The following ATXN7L1 variants were observed in gnomAD, a reference collection of about 807,000 sequenced individuals.
ATXN7L1 encodes the protein ataxin-7-like protein 1.
ATXN7L1 carries 15 observed loss-of-function variants against 70.8 expected under a neutral mutation model. The ratio of observed to expected loss-of-function variants is 0.21; its 90% confidence interval spans 0.14 to 0.33. The LOEUF (loss-of-function observed/expected upper bound fraction) is 0.33. Ranked by LOEUF, ATXN7L1 falls within the 10% of genes least tolerant of loss-of-function variation. The probability of loss-of-function intolerance (pLI) is 1.00; values close to 1 mark genes in which losing one functional copy is unlikely to be tolerated. For missense variants in ATXN7L1, 975 were observed against 1,097.1 expected, an observed-to-expected ratio of 0.89 and a Z score of 1.57; for synonymous variants, 440 against 445.1, an observed-to-expected ratio of 0.99 and a Z score of 0.14.
rs889218320 is a variant in ATXN7L1, at chr7:105,865,657, T to C, written c.250+10155A>G. ...ACCTCGTGATCTGCCCACCTTGGCCTCCCAAAGTGCTGGGATTACAGGCGT... is the reference window on the plus strand; with the variant it reads ...ACCTCGTGATCTGCCCACCTTGGCCCCCCAAAGTGCTGGGATTACAGGCGT... On this transcript the variant is annotated intron_variant, in intron 2 of 11. Coordinates refer to ENST00000419735, the MANE Select transcript of ATXN7L1 (RefSeq NM_020725.2). Among the ~76,000 whole-genome samples the C allele has an allele frequency of 3.9e-5, 6 of 152,222 alleles. 1 individual carries two copies. The highest frequency in any genetic ancestry group is 4.1e-4 in the South Asian group (2 of 4,830).
At chr7:105,697,655 G>C (rs1174497964) in intron 3 of ATXN7L1, among the ~76,000 whole-genome samples, 1 of 150,982 alleles carries the variant, frequency 6.6e-6, no homozygotes, top group African/African-American at 2.5e-5. Context: ...GCAAAGACAG[G>C]CATAGGAAAT....
chr7:105,664,281 C>G (rs909460510), intron 4 of ATXN7L1, among the ~76,000 whole-genome samples: 1 of 151,880 alleles, frequency 6.6e-6, no homozygotes, highest in Non-Finnish European at 1.5e-5. Context: ...TACACCAGAG[C>G]TTCTCTTCAC....
intron 2 of ATXN7L1, among the ~76,000 whole-genome samples, chr7:105,843,483 C>A (rs1443598182): frequency 6.6e-6 from 1 of 152,234 alleles, no homozygotes; most frequent in Non-Finnish European, 1.5e-5. Flanking sequence ...CAGGTCTGGG[C>A]ACTCACAGAA....
intron 2 of ATXN7L1, among the ~76,000 whole-genome samples, chr7:105,824,300 A>G (rs1810557233): frequency 6.6e-6 from 1 of 152,212 alleles, no homozygotes; most frequent in South Asian, 2.1e-4. Context: ...AGCCGCTTGT[A>G]GTGCCTCACT....
At position 105,614,102 on chromosome 7, in the gene ATXN7L1, G is replaced by A; in HGVS notation, c.2232C>T (p.Pro744=). 1 of 1,551,676 alleles carries A rather than the reference G, an allele frequency of 6.4e-7. No homozygotes were observed. Among genetic ancestry groups the A allele is most frequent in the Non-Finnish European group, 8.7e-7 (1 of 1,146,984 alleles). ...GGAGCGCAAGGGAGGGCACAGAGAG[G>A]GGACAGGAGTCACTGCTGCCTCCCA... ...GAVGGSSDSC[P]LSVPSLALHA... is the part of the protein sequence containing the mutation. The change falls in exon 10 of 12, where the codon CCC becomes CCT. Residue 744 remains proline (P), a synonymous_variant. Transcript: ENST00000419735. The surrounding 1 kb of genome is among the most constrained non-coding windows in gnomAD (Gnocchi z 4.3).
At chr7:105,767,647 AC>A (rs1193390346) in intron 3 of ATXN7L1, among the ~76,000 whole-genome samples, 1 of 151,962 alleles carries the variant, frequency 6.6e-6, no homozygotes, top group Non-Finnish European at 1.5e-5. Context: ...TACTATTATT[AC>A]CCCCATTTTG....
At chr7:105,658,516 C>T (rs6961986) in intron 4 of ATXN7L1, among the ~76,000 whole-genome samples, 27,521 of 144,214 alleles carry the variant, frequency 0.19, 3,013 homozygotes, top group African/African-American at 0.3. Flanking sequence ...TGTTATGTGG[C>T]ACATAACTTT....
Position 105,643,017 on chromosome 7 carries a change from G to A in ATXN7L1, c.683C>T (p.Ser228Phe). The A allele has an allele frequency of 6.4e-7, 1 of 1,551,796 alleles. No homozygotes were observed. ...GGAGACGGCAGAGGACGAGGTGGAG[G>A]AGGCAGAAACTGCAGTAGTGGTTGT... ...NSTTTTAVSASSTSSSAVSTP... is the reference protein window; with the variant it reads ...NSTTTTAVSAFSTSSSAVSTP... The change falls in exon 5 of 12, where the codon TCC becomes TTC. Residue 228 changes from serine to phenylalanine, a missense_variant. Transcript: ENST00000419735.
rs5886362 is a variant in ATXN7L1, at chr7:105,646,770, C to CAA, written c.579-3651_579-3650dup. On this transcript the variant is annotated intron_variant, in intron 4 of 11. Transcript: ENST00000419735. ...ACAACACCGTGAGACCATGTCTCTACAAAAAAAAAAAAAAAAATTATAAAT... is the reference window on the plus strand; with the variant it reads ...ACAACACCGTGAGACCATGTCTCTACAAAAAAAAAAAAAAAAAAATTATAAAT... Among the ~76,000 whole-genome samples the CAA allele has an allele frequency of 8.1e-3, 954 of 118,416 alleles. 22 individuals carry two copies. The highest frequency in any genetic ancestry group is 0.024 in the African/African-American group (754 of 31,808). 77.7% of individuals were successfully genotyped at this position (118,416 alleles called of 152,430 possible).
intron 7 of ATXN7L1, among the ~76,000 whole-genome samples, chr7:105,637,692 G>A (rs1797588535): frequency 6.6e-6 from 1 of 152,170 alleles, no homozygotes; most frequent in South Asian, 2.1e-4. Context: ...TAATCCAAAT[G>A]AGTGTTAATT....
At position 105,875,981 on chromosome 7, in the gene ATXN7L1, G is replaced by C. The variant is rs370085906; in HGVS notation, c.182-101C>G. On this transcript the variant is annotated intron_variant, in intron 1 of 11. Coordinates refer to ENST00000419735, the MANE Select transcript of ATXN7L1 (RefSeq NM_020725.2). Reference sequence around the variant, plus strand: ...GAGAGTGTTTATTTGCAAACAGATCGATATAAATACTGTATATGAAATTCT... The same window carrying C: ...GAGAGTGTTTATTTGCAAACAGATCCATATAAATACTGTATATGAAATTCT... 38 of 1,009,012 alleles carry C rather than the reference G, an allele frequency of 3.8e-5. No homozygotes were observed. The East Asian group carries it at 9.0e-4, about 24-fold the overall frequency. The allele number at this position is 1,009,012 out of a possible 1,614,324, so 62.5% of individuals were successfully genotyped here. A position where few individuals can be genotyped will look rare whatever the true frequency, so the allele number is the denominator to read the frequency against.
chr7:105,869,688 T>A (rs1308737831), intron 2 of ATXN7L1, among the ~76,000 whole-genome samples: 2 of 152,212 alleles, frequency 1.3e-5, no homozygotes, highest in African/African-American at 4.8e-5. Context: ...TTGGAAACTT[T>A]CCACCAGTTT....
intron 3 of ATXN7L1, among the ~76,000 whole-genome samples, chr7:105,715,925 G>C (rs921670167): frequency 1.3e-5 from 2 of 152,128 alleles, no homozygotes; most frequent in African/African-American, 2.4e-5. Flanking sequence ...GCTGTGACTG[G>C]AGCGTCCTAA....
At chr7:105,738,212 C>T (rs1289367362) in intron 3 of ATXN7L1, among the ~76,000 whole-genome samples, 1 of 152,202 alleles carries the variant, frequency 6.6e-6, no homozygotes, top group East Asian at 1.9e-4. Context: ...GAAGGATTTC[C>T]ACCAACTGAC....
At chr7:105,683,162 G>T (rs546626229) in intron 3 of ATXN7L1, among the ~76,000 whole-genome samples, 1 of 152,298 alleles carries the variant, frequency 6.6e-6, no homozygotes, top group African/African-American at 2.4e-5. Flanking sequence ...ACCAATTTGG[G>T]TCCACAAAGA....
intron 3 of ATXN7L1, among the ~76,000 whole-genome samples, chr7:105,780,296 G>A (rs1310815206): frequency 6.6e-6 from 1 of 152,182 alleles, no homozygotes; most frequent in African/African-American, 2.4e-5. Flanking sequence ...GAAGGATGGG[G>A]TGCCAGCCAG....
chr7:105,638,430 C>A lies in ATXN7L1; in HGVS notation c.1125G>T (p.Gly375=), dbSNP rs1050105183. 1.3e-6 allele frequency: 2 copies of A among 1,552,198 alleles called. No individual in the cohort carries two copies. The highest frequency in any genetic ancestry group is 2.7e-5 in the African/African-American group (2 of 73,020). Residue 375 remains glycine, a synonymous_variant, in exon 7 of 12, where the codon GGG becomes GGT. Transcript: ENST00000419735. ...QSGPAQDSLL[G]SSGSSGPEPK... ...GTTCTGGCCCAGAGCTCCCTGAAGA[C>A]CCTAGCAGAGAATCCTGTGCCGGCC...
intron 3 of ATXN7L1, among the ~76,000 whole-genome samples, chr7:105,722,716 TA>T (rs531044864): frequency 2.1e-5 from 3 of 144,446 alleles, no homozygotes; most frequent in Admixed American, 7.0e-5. Context: ...CCATCTCTAC[TA>T]AAAAAAAATA....
At chr7:105,711,035 CGAGAACAGCATGG>C (rs1793843879) in intron 3 of ATXN7L1, among the ~76,000 whole-genome samples, 1 of 152,150 alleles carries the variant, frequency 6.6e-6, no homozygotes, top group South Asian at 2.1e-4. Flanking sequence ...TTCACTATCA[CGAGAACAGCATGG>C]GGGAAACCGC....
Sources: allele counts gnomAD v4.1 joint callset (sites outside exome capture counted in the v4.1 genomes callset), GRCh38; gene constraint gnomAD v4.1.1; non-coding constraint Gnocchi (gnomAD v3.1); transcripts MANE v1.5; gene names NCBI Gene and HGNC (gene_info 2026-07-23, HGNC 2026-07-21).